KCND2: variants seen among roughly 807,000 people sequenced by gnomAD.
KCND2 encodes potassium voltage-gated channel subfamily D member 2.
A neutral mutation model predicts 54.4 loss-of-function variants in KCND2; 16 were observed. The ratio of observed to expected loss-of-function variants is 0.29; its 90% CI spans 0.20 to 0.45. The LOEUF (loss-of-function observed/expected upper bound fraction) is 0.45. Ranked by LOEUF, KCND2 falls within the 20% of genes least tolerant of loss-of-function variation. The probability of loss-of-function intolerance (pLI) is 1.00; values close to 1 mark genes in which losing one functional copy is unlikely to be tolerated. For synonymous variants in KCND2, 317 were observed against 310.7 expected (o/e 1.02, Z -0.21); for missense variants, 486 against 824.2 (o/e 0.59, Z 5.02).
intron 1 of KCND2, among the ~76,000 whole-genome samples, chr7:120,582,948 GTGTGTA>G (rs1792537076): frequency 1.1e-5 from 1 of 94,014 alleles, no homozygotes; most frequent in African/African-American, 3.2e-5. Context: ...TGCTCTGTGT[GTGTGTA>G]TGTGTGTGTG....
intron 1 of KCND2, among the ~76,000 whole-genome samples, chr7:120,612,512 A>G (rs774400979): frequency 3.3e-5 from 5 of 152,246 alleles, no homozygotes; most frequent in Non-Finnish European, 7.3e-5. Context: ...TGCATTTCAC[A>G]TGAGACATGG....
chr7:120,334,643 G>C (rs998033152), intron 1 of KCND2, among the ~76,000 whole-genome samples: 5 of 152,144 alleles, frequency 3.3e-5, no homozygotes, highest in Non-Finnish European at 7.3e-5. Flanking sequence ...AAGCATCATA[G>C]ATGGTATGCC....
chr7:120,313,297 A>G (rs1468671869), intron 1 of KCND2, among the ~76,000 whole-genome samples: 2 of 152,322 alleles, frequency 1.3e-5, no homozygotes, highest in African/African-American at 4.8e-5. Context: ...ATAGTTGTTC[A>G]TCTTATTATC....
intron 1 of KCND2, among the ~76,000 whole-genome samples, chr7:120,652,909 T>C (rs1584870381): frequency 6.6e-6 from 1 of 152,248 alleles, no homozygotes; most frequent in African/African-American, 2.4e-5. Flanking sequence ...ATTTTTATTA[T>C]ACTTTTTAAT....
intron 1 of KCND2, among the ~76,000 whole-genome samples, chr7:120,535,178 C>T (rs1791890438): frequency 6.6e-6 from 1 of 152,162 alleles, no homozygotes. Flanking sequence ...GCATGACTTA[C>T]TTCCATCATT....
At chr7:120,678,738 G>GTATATATATA (rs66483423) in intron 1 of KCND2, among the ~76,000 whole-genome samples, 2 of 115,768 alleles carry the variant, frequency 1.7e-5, no homozygotes, top group Non-Finnish European at 1.8e-5. Flanking sequence ...GTGTGTGAGT[G>GTATATATATA]TATATATATA....
chr7:120,600,955 A>G (rs1046262862), intron 1 of KCND2, among the ~76,000 whole-genome samples: 1 of 152,104 alleles, frequency 6.6e-6, no homozygotes, highest in Admixed American at 6.6e-5. Context: ...TCCTAATTTT[A>G]CTGCAACACT....
chr7:120,639,499 C>A (rs1056995379), intron 1 of KCND2, among the ~76,000 whole-genome samples: 1 of 152,126 alleles, frequency 6.6e-6, no homozygotes, highest in African/African-American at 2.4e-5. Context: ...CAACTCCACC[C>A]CCTGGGAAAA....
At position 120,274,509 on chromosome 7, in the gene KCND2, T is replaced by C; in HGVS notation, c.-124T>C. ...AGGAGCCCTATCTTGGAATAAGAGT[T>C]ACACCTCTGGACCACGTTTCTCACT... is the stretch of plus-strand genomic sequence containing the variant. On this transcript the variant is annotated 5_prime_UTR_variant, in exon 1 of 6. Transcript: ENST00000331113. The C allele has an allele frequency of 1.9e-6, 2 of 1,075,604 alleles. No individual in the cohort carries two copies. Among genetic ancestry groups the C allele is most frequent in the East Asian group, 2.4e-5 (1 of 42,372 alleles). 66.6% of individuals were successfully genotyped at this position (1,075,604 alleles called of 1,614,324 possible).
At chr7:120,648,411 G>T (rs572549553) in intron 1 of KCND2, among the ~76,000 whole-genome samples, 1 of 152,252 alleles carries the variant, frequency 6.6e-6, no homozygotes, top group South Asian at 2.1e-4. Context: ...AGAATAAAAT[G>T]AAGGAATATA....
intron 1 of KCND2, among the ~76,000 whole-genome samples, chr7:120,333,289 A>G (rs1041128152): frequency 1.3e-5 from 2 of 152,136 alleles, no homozygotes; most frequent in African/African-American, 4.8e-5. Context: ...CAAAGGGCTT[A>G]CAAATATATG....
chr7:120,607,420 G>T (rs1167336503), intron 1 of KCND2, among the ~76,000 whole-genome samples: 1 of 152,034 alleles, frequency 6.6e-6, no homozygotes. Flanking sequence ...GATCTGTAGG[G>T]TAAGAAATCT....
In KCND2 at chr7:120,539,735, C is replaced by T. The variant is rs577691989; in HGVS notation, c.1116-193168C>T. 1.3e-4 allele frequency among the ~76,000 whole-genome samples: 20 copies of T among 152,182 alleles called. No homozygotes were observed. In the South Asian group the frequency reaches 4.2e-3, roughly 32 times the overall value. On this transcript the variant is annotated intron_variant, in intron 1 of 5. Transcript: ENST00000331113. ...TCTAGCAAATGAACATATCTATAAT[C>T]TCTTAGTTACCAATTTTTTGTGGCA... is the stretch of plus-strand genomic sequence containing the variant.
chr7:120,464,399 T>C (rs1290713715), intron 1 of KCND2, among the ~76,000 whole-genome samples: 1 of 152,184 alleles, frequency 6.6e-6, no homozygotes, highest in Non-Finnish European at 1.5e-5. Flanking sequence ...AGCAGACATA[T>C]GTAGAAGTCG....
chr7:120,438,971 G>C (rs551608936), intron 1 of KCND2, among the ~76,000 whole-genome samples: 10 of 152,046 alleles, frequency 6.6e-5, no homozygotes, highest in African/African-American at 2.2e-4. Context: ...CCTGTTCTAG[G>C]CACTTAAATC....
At chr7:120,506,813 C>T (rs1244952204) in intron 1 of KCND2, among the ~76,000 whole-genome samples, 1 of 151,878 alleles carries the variant, frequency 6.6e-6, no homozygotes, top group African/African-American at 2.4e-5. Flanking sequence ...TATCTGTAGA[C>T]AGAATTTTTT....
intron 1 of KCND2, among the ~76,000 whole-genome samples, chr7:120,399,725 T>A (rs920608429): frequency 2.0e-5 from 3 of 151,598 alleles, no homozygotes; most frequent in Non-Finnish European, 4.4e-5. Flanking sequence ...TATTTATTTA[T>A]TTATTTATTT....
chr7:120,518,829 G>A (rs1180420029), intron 1 of KCND2, among the ~76,000 whole-genome samples: 3 of 152,068 alleles, frequency 2.0e-5, no homozygotes, highest in Non-Finnish European at 4.4e-5. Flanking sequence ...GGACTTTGCC[G>A]ACGTGAAAAA....
At chr7:120,485,604 G>GAT (rs1802681953) in intron 1 of KCND2, among the ~76,000 whole-genome samples, 1 of 152,178 alleles carries the variant, frequency 6.6e-6, no homozygotes, top group South Asian at 2.1e-4. Flanking sequence ...CCATGTACTA[G>GAT]ATATGTAGAT....
Sources: allele counts gnomAD v4.1 joint callset (sites outside exome capture counted in the v4.1 genomes callset), GRCh38; gene constraint gnomAD v4.1.1; transcripts MANE v1.5; gene names NCBI Gene and HGNC (gene_info 2026-07-23, HGNC 2026-07-21).